CWC27: variants seen among roughly 807,000 people sequenced by gnomAD.
CWC27 encodes the protein spliceosome-associated protein CWC27 homolog.
A neutral mutation model predicts 63.6 loss-of-function variants in CWC27; 47 were observed. The observed-to-expected ratio is 0.74, with a 90% confidence interval of 0.58 to 0.94. CWC27 has a LOEUF of 0.94. CWC27 is among the 40% of genes least tolerant of loss of function. The probability of loss-of-function intolerance (pLI) is 0.00; values close to 1 mark genes in which losing one functional copy is unlikely to be tolerated. For synonymous variants in CWC27, 175 were observed against 179.8 expected, an observed-to-expected ratio of 0.97 and a Z score of 0.22; for missense variants, 495 against 554.3, an observed-to-expected ratio of 0.89 and a Z score of 1.07.
At chr5:64,910,096 C>A (rs547939648) in intron 11 of CWC27, among the ~76,000 whole-genome samples, 1 of 152,062 alleles carries the variant, frequency 6.6e-6, no homozygotes, top group Non-Finnish European at 1.5e-5. Flanking sequence ...TGTTGGTGAC[C>A]TACAGATGGG....
Position 64,845,425 on chromosome 5 carries a change from A to T in CWC27, c.939-40018A>T, listed in dbSNP as rs1248593962. 1.3e-5 allele frequency among the ~76,000 whole-genome samples: 2 copies of T among 152,374 alleles called. 1 individual carries two copies. The highest frequency in any genetic ancestry group is 4.8e-5 in the African/African-American group (2 of 41,592). ...TGGAATGACTGAGGAAGAATTTAGA[A>T]TACTACTCATAAAGATGTTCAGTGA... On this transcript the variant is annotated intron_variant, in intron 10 of 13. Coordinates refer to ENST00000381070, the MANE Select transcript of CWC27 (RefSeq NM_005869.4).
intron 10 of CWC27, among the ~76,000 whole-genome samples, chr5:64,860,110 C>A (rs1263417746): frequency 6.6e-6 from 1 of 152,106 alleles, no homozygotes; most frequent in Non-Finnish European, 1.5e-5. Context: ...AATTCCAGCC[C>A]TGGAGTTTCA....
chr5:64,793,491 G>T (rs569199633), intron 7 of CWC27, among the ~76,000 whole-genome samples: 39 of 152,012 alleles, frequency 2.6e-4, no homozygotes, highest in Non-Finnish European at 5.3e-4. Flanking sequence ...TGTTTATTTT[G>T]CTTATATACA....
At chr5:64,842,982 C>G (rs1037982117) in intron 10 of CWC27, among the ~76,000 whole-genome samples, 25 of 152,184 alleles carry the variant, frequency 1.6e-4, no homozygotes, top group Non-Finnish European at 4.4e-5. Context: ...TGTAATGTTT[C>G]ACCTTAAAAG....
chr5:64,840,064 C>CCTTCA (rs1015615562), intron 10 of CWC27, among the ~76,000 whole-genome samples: 1 of 151,922 alleles, frequency 6.6e-6, no homozygotes, highest in Admixed American at 6.6e-5. Context: ...GGGACATAGC[C>CCTTCA]CTTCAGGCTT....
chr5:64,771,195 A>T (rs1739901688), intron 1 of CWC27, among the ~76,000 whole-genome samples: 2 of 152,248 alleles, frequency 1.3e-5, no homozygotes, highest in African/African-American at 4.8e-5. Flanking sequence ...AAAGCTTCTA[A>T]GTTCTGTAAG....
chr5:64,856,488 A>G (rs77650381), intron 10 of CWC27, among the ~76,000 whole-genome samples: 5 of 119,252 alleles, frequency 4.2e-5, no homozygotes, highest in Admixed American at 1.5e-4. Flanking sequence ...GTGTGTGTGT[A>G]TGTGTGTAGT....
chr5:64,801,398 A>C, intron 9 of CWC27, 66 bp downstream of exon 9: 4 of 1,190,002 alleles, frequency 3.4e-6, no homozygotes, highest in Non-Finnish European at 4.4e-6. Context: ...TTTTTACAAA[A>C]ACTTAATTTT....
chr5:64,906,177 T>G (rs1298282997), intron 11 of CWC27, among the ~76,000 whole-genome samples: 1 of 152,186 alleles, frequency 6.6e-6, no homozygotes, highest in Non-Finnish European at 1.5e-5. Context: ...TGATTTATAA[T>G]CCTATGGGTA....
At chr5:64,839,610 A>G (rs1315450340) in intron 10 of CWC27, among the ~76,000 whole-genome samples, 2 of 152,238 alleles carry the variant, frequency 1.3e-5, no homozygotes, top group Non-Finnish European at 2.9e-5. Flanking sequence ...AGGCCTAACT[A>G]TCTCCACAGG....
intron 11 of CWC27, among the ~76,000 whole-genome samples, chr5:64,904,827 A>G (rs1047558357): frequency 7.2e-5 from 11 of 152,210 alleles, no homozygotes; most frequent in Non-Finnish European, 1.6e-4. Flanking sequence ...GATATCTTTC[A>G]GCTCATAGGA....
At chr5:64,863,974 A>G (rs1746477617) in intron 10 of CWC27, among the ~76,000 whole-genome samples, 1 of 152,098 alleles carries the variant, frequency 6.6e-6, no homozygotes, top group African/African-American at 2.4e-5. Context: ...CGTTCCATTT[A>G]TATTTATTAT....
At chr5:64,928,724 T>G (rs185797275) in intron 11 of CWC27, among the ~76,000 whole-genome samples, 26 of 152,334 alleles carry the variant, frequency 1.7e-4, no homozygotes, top group African/African-American at 5.5e-4. Context: ...GAGTTTATCT[T>G]TTTTTGTAGT....
intron 11 of CWC27, among the ~76,000 whole-genome samples, chr5:64,907,825 A>C (rs1308961975): frequency 6.6e-6 from 1 of 151,162 alleles, no homozygotes; most frequent in African/African-American, 2.4e-5. Context: ...ATTATTTTGA[A>C]ATATGTCCCA....
chr5:64,807,520 T>A, intron 10 of CWC27: 1 of 1,442,240 alleles, frequency 6.9e-7, no homozygotes, highest in Non-Finnish European at 9.1e-7. Context: ...GGCACCCTTA[T>A]ATCTATTCTG....
At chr5:64,945,788 T>C (rs1044443699) in intron 11 of CWC27, among the ~76,000 whole-genome samples, 9 of 152,170 alleles carry the variant, frequency 5.9e-5, no homozygotes, top group African/African-American at 1.9e-4. Flanking sequence ...TACTGTATAA[T>C]CCTTCATGTG....
At chr5:64,947,447 T>C (rs1181869345) in intron 11 of CWC27, among the ~76,000 whole-genome samples, 1 of 152,142 alleles carries the variant, frequency 6.6e-6, no homozygotes, top group African/African-American at 2.4e-5. Context: ...TTGAGTCCTT[T>C]GGATGAGAGT....
At chr5:65,006,667 G>A (rs552630832) in intron 13 of CWC27, among the ~76,000 whole-genome samples, 105 of 151,788 alleles carry the variant, frequency 6.9e-4, no homozygotes, top group African/African-American at 2.4e-3. Context: ...GTAGAAGGAG[G>A]GAGAGAAACA....
chr5:64,835,112 A>G (rs967811955), intron 10 of CWC27, among the ~76,000 whole-genome samples: 4 of 151,800 alleles, frequency 2.6e-5, no homozygotes, highest in African/African-American at 9.7e-5. Flanking sequence ...GGGTAATTTT[A>G]TTTATTTTTG....
Sources: allele counts gnomAD v4.1 joint callset (sites outside exome capture counted in the v4.1 genomes callset), GRCh38; gene constraint gnomAD v4.1.1; transcripts MANE v1.5; gene names NCBI Gene and HGNC (gene_info 2026-07-23, HGNC 2026-07-21).